The following SGK1 variants were observed in gnomAD, a reference collection of about 807,000 sequenced individuals.
The protein encoded by SGK1 is serine/threonine-protein kinase Sgk1.
SGK1 carries 26 observed loss-of-function variants against 64.2 expected under a neutral mutation model. That is an observed-to-expected ratio of 0.40 (90% CI 0.30 to 0.56). SGK1 has a LOEUF of 0.56. Ranked by LOEUF, SGK1 falls within the 20% of genes least tolerant of loss-of-function variation. The probability of loss-of-function intolerance (pLI) is 0.38; values close to 1 mark genes in which losing one functional copy is unlikely to be tolerated. For missense variants in SGK1, 519 were observed against 645.6 expected (o/e 0.80, Z 2.12); for synonymous variants, 265 against 239.7 (o/e 1.11, Z -0.98).
chr6:134,199,775 T>C (rs1382463772), intron 3 of SGK1, among the ~76,000 whole-genome samples: 1 of 152,146 alleles, frequency 6.6e-6, no homozygotes, highest in East Asian at 1.9e-4. Context: ...CTTTAATTTT[T>C]GTTTGAAAGA....
At position 134,223,886 on chromosome 6, in the gene SGK1, G is replaced by A. The variant is rs540914856; in HGVS notation, c.286-16455C>T. ...ACTGTACAGTATTTAATGGTCTACA[G>A]GTTTAAATATTTCTTATATGCCTTG... is the stretch of plus-strand genomic sequence containing the variant. On this transcript the variant is annotated intron_variant, in intron 2 of 13. Coordinates refer to ENST00000367858, the MANE Select transcript of SGK1 (RefSeq NM_001143676.3). Among the ~76,000 whole-genome samples, 10 of 152,292 alleles carry A rather than the reference G, an allele frequency of 6.6e-5. No homozygotes were observed. In the East Asian group the frequency reaches 7.7e-4, roughly 12 times the overall value.
At chr6:134,178,001 A>G in intron 3 of SGK1, 1 of 596,380 alleles carries the variant, frequency 1.7e-6, no homozygotes, top group South Asian at 2.3e-5. Flanking sequence ...TTACACCCCC[A>G]GCACGCACAC....
intron 2 of SGK1, among the ~76,000 whole-genome samples, chr6:134,232,038 C>CAA (rs60207020): frequency 0.039 from 4,024 of 102,448 alleles, 207 homozygotes; most frequent in African/African-American, 0.13. Context: ...GACTTCATCT[C>CAA]AAAAAAAAAA....
intron 1 of SGK1, among the ~76,000 whole-genome samples, chr6:134,282,630 G>A (rs1192101937): frequency 1.3e-5 from 2 of 150,900 alleles, no homozygotes; most frequent in Non-Finnish European, 2.9e-5. Context: ...TCCAGCCTGG[G>A]CAACAGAGTG....
intron 2 of SGK1, among the ~76,000 whole-genome samples, chr6:134,242,223 C>A (rs7763991): frequency 1.3e-5 from 2 of 152,008 alleles, no homozygotes; most frequent in Non-Finnish European, 2.9e-5. Flanking sequence ...CGGTGGCTCA[C>A]GCCTGTAATC....
At chr6:134,231,011 CT>C in intron 2 of SGK1, among the ~76,000 whole-genome samples, 1 of 152,152 alleles carries the variant, frequency 6.6e-6, no homozygotes, top group African/African-American at 2.4e-5. Context: ...AAGACGCTGA[CT>C]CAAAAAAATG....
In SGK1 at chr6:134,169,801, G is replaced by A. The variant is rs1774949046; in HGVS notation, c.*467C>T. On this transcript the variant is annotated 3_prime_UTR_variant, in exon 14 of 14. Coordinates refer to ENST00000367858, the MANE Select transcript of SGK1 (RefSeq NM_001143676.3). ...TTATAACAAAATCCATCTGTGATCA[G>A]GCATACCACACTCACACGACGGTTC... 1 of 152,892 alleles carries A rather than the reference G, an allele frequency of 6.5e-6. No homozygotes were observed. Among genetic ancestry groups the A allele is most frequent in the African/African-American group, 2.4e-5 (1 of 41,424 alleles). 9.5% of individuals were successfully genotyped at this position (152,892 alleles called of 1,614,324 possible).
In SGK1 at chr6:134,258,293, G is replaced by A. The variant is rs1776713759; in HGVS notation, c.285+3640C>T. ...TAATTTTATTTTATTTATTTGTAGA[G>A]ACGAGTTGGTCTCAAACTCCTGGGC... On this transcript the variant is annotated intron_variant, in intron 2 of 13. Coordinates refer to ENST00000367858, the MANE Select transcript of SGK1 (RefSeq NM_001143676.3). 2.0e-5 allele frequency among the ~76,000 whole-genome samples: 3 copies of A among 151,838 alleles called. 1 individual carries two copies. The South Asian group carries it at 6.2e-4, about 32-fold the overall frequency.
intron 3 of SGK1, among the ~76,000 whole-genome samples, chr6:134,201,741 A>G (rs1417318640): frequency 6.6e-6 from 1 of 152,210 alleles, no homozygotes; most frequent in African/African-American, 2.4e-5. Context: ...AACCATGACT[A>G]GAACATGGCC....
chr6:134,280,162 TCCAGCC>T (rs1186176780), intron 1 of SGK1, among the ~76,000 whole-genome samples: 84 of 137,480 alleles, frequency 6.1e-4, no homozygotes, highest in Admixed American at 1.4e-3. Context: ...GCCATTGCAC[TCCAGCC>T]TGGGCAACAG....
intron 1 of SGK1, among the ~76,000 whole-genome samples, chr6:134,280,150 A>C (rs1777072028): frequency 6.6e-6 from 1 of 150,576 alleles, no homozygotes; most frequent in African/African-American, 2.4e-5. Flanking sequence ...AGCCACGATC[A>C]TGCCATTGCA....
chr6:134,184,337 A>G (rs1347806720), intron 3 of SGK1, among the ~76,000 whole-genome samples: 1 of 151,394 alleles, frequency 6.6e-6, no homozygotes, highest in African/African-American at 2.4e-5. Context: ...TCCCTACTTA[A>G]AAAAAATATA....
intron 3 of SGK1, among the ~76,000 whole-genome samples, chr6:134,175,175 A>G (rs927015499): frequency 6.6e-6 from 1 of 152,088 alleles, no homozygotes; most frequent in Non-Finnish European, 1.5e-5. Context: ...AGCCCGGGGT[A>G]GTTTTCCACC....
intron 1 of SGK1, among the ~76,000 whole-genome samples, chr6:134,287,071 A>G (rs2114776711): frequency 6.6e-6 from 1 of 152,110 alleles, no homozygotes; most frequent in Non-Finnish European, 1.5e-5. Context: ...TTCTGGGTTC[A>G]AGCAATTTTC....
intron 3 of SGK1, among the ~76,000 whole-genome samples, chr6:134,203,224 C>T (rs1431870405): frequency 6.6e-6 from 1 of 152,124 alleles, no homozygotes; most frequent in African/African-American, 2.4e-5. Flanking sequence ...GCCTGGGCAA[C>T]AGAGTGAGAC....
At chr6:134,314,446 C>T (rs1777649008) in intron 1 of SGK1, among the ~76,000 whole-genome samples, 1 of 152,252 alleles carries the variant, frequency 6.6e-6, no homozygotes, top group Middle Eastern at 3.4e-3. Flanking sequence ...CGTATACAAG[C>T]TTTGAGTTGA....
chr6:134,225,796 G>A lies in SGK1; in HGVS notation c.286-18365C>T, dbSNP rs532472407. ...AAAAATAAATAAGTAAAAAGAAAGT[G>A]GGCCAGGCATGGTGACCTGTAATCC... is the stretch of plus-strand genomic sequence containing the variant. On this transcript the variant is annotated intron_variant, in intron 2 of 13. Coordinates refer to ENST00000367858, the MANE Select transcript of SGK1 (RefSeq NM_001143676.3). Among the ~76,000 whole-genome samples the A allele has an allele frequency of 3.4e-4, 51 of 152,002 alleles. 1 individual carries two copies. The highest frequency in any genetic ancestry group is 1.8e-4 in the Non-Finnish European group (12 of 67,960).
chr6:134,233,844 A>G (rs1310481136), intron 2 of SGK1, among the ~76,000 whole-genome samples: 4 of 152,062 alleles, frequency 2.6e-5, no homozygotes, highest in African/African-American at 9.7e-5. Flanking sequence ...CTGGAAAAAC[A>G]CAGAACTGGA....
intron 2 of SGK1, among the ~76,000 whole-genome samples, chr6:134,210,717 G>A (rs568584138): frequency 5.3e-5 from 8 of 150,168 alleles, no homozygotes; most frequent in South Asian, 2.1e-4. Context: ...CCAGCTACTC[G>A]GGAGGCTGAG....
Sources: gnomAD v4.1 joint callset for allele counts (sites outside exome capture counted in the v4.1 genomes callset) on GRCh38, gnomAD v4.1.1 for gene constraint, MANE v1.5 for transcripts, NCBI Gene and HGNC (gene_info 2026-07-23, HGNC 2026-07-21) for gene names.